Variants in CPNE5 observed in about 807,000 individuals in gnomAD.
CPNE5 encodes copine-5.
A neutral mutation model predicts 81.1 loss-of-function variants in CPNE5; 42 were observed. The ratio of observed to expected loss-of-function variants is 0.52; its 90% CI spans 0.40 to 0.67. The LOEUF is 0.67. Ranked by LOEUF, CPNE5 falls within the 30% of genes least tolerant of loss-of-function variation. The pLI, the probability that CPNE5 is intolerant of heterozygous loss-of-function variation, is 0.00. For missense variants in CPNE5, 612 were observed against 815.5 expected, an observed-to-expected ratio of 0.75 and a Z score of 3.04; for synonymous variants, 313 against 321.5, an observed-to-expected ratio of 0.97 and a Z score of 0.28.
intron 7 of CPNE5, among the ~76,000 whole-genome samples, chr6:36,792,679 C>G (rs960536144): frequency 6.6e-6 from 1 of 152,176 alleles, no homozygotes; most frequent in Non-Finnish European, 1.5e-5. Context: ...GACTGTGCAG[C>G]TCCCCAGTGA....
rs752953395 is a variant in CPNE5, at chr6:36,746,493, T to C, written c.1103A>G (p.Glu368Gly). 3.7e-6 allele frequency: 6 copies of C among 1,613,748 alleles called. No homozygotes were observed. The highest frequency in any genetic ancestry group is 1.7e-4 in the Middle Eastern group (1 of 6,052). The part of the protein sequence containing the change: ...AYALALTAVG[E>G]IIQHYDSDKM... ...GTCACTGTCGTAGTGCTGGATGATC[T>C]CTCCGACGGCAGTCAGCGCCAGCGC... Residue 368 changes from glutamate (E) to glycine (G), a missense_variant, in exon 16 of 21, where the codon GAG becomes GGG. Glu to Gly is a moderately conservative substitution (Grantham distance 98, BLOSUM62 -2). Transcript: ENST00000244751. This position sits in a 1 kb window ranked among gnomAD's most constrained non-coding sequence, Gnocchi z 4.5.
chr6:36,835,383 G>A (rs1172665744), intron 1 of CPNE5, among the ~76,000 whole-genome samples: 1 of 152,180 alleles, frequency 6.6e-6, no homozygotes, highest in Non-Finnish European at 1.5e-5. Context: ...GGCCATCAGA[G>A]GAAGGAAGAG....
In CPNE5 at chr6:36,778,865, G is replaced by A. The variant is rs142285396; in HGVS notation, c.621C>T (p.Asn207=). 1.1e-4 allele frequency: 181 copies of A among 1,598,494 alleles called. No individual in the cohort carries two copies. Among genetic ancestry groups the A allele is most frequent in the Admixed American group, 2.5e-4 (15 of 59,830 alleles). Reference sequence around the variant, plus strand: ...CCCAGAAAACTCACGTTCCATCCTCGTTGCTTCTGTAGAATACCAAGAAGG... The same window carrying A: ...CCCAGAAAACTCACGTTCCATCCTCATTGCTTCTGTAGAATACCAAGAAGG... The part of the protein sequence containing the change: ...SDPFLVFYRS[N]EDGTFTICHK... The change falls in exon 9 of 21, where the codon AAC becomes AAT. Residue 207 remains asparagine (N), a synonymous_variant. Coordinates refer to ENST00000244751, the MANE Select transcript of CPNE5 (RefSeq NM_020939.2).
At chr6:36,757,815 C>T (rs758937035) in intron 12 of CPNE5, among the ~76,000 whole-genome samples, 1 of 152,036 alleles carries the variant, frequency 6.6e-6, no homozygotes, top group South Asian at 2.1e-4. Context: ...GCTCTGGGCA[C>T]GGAGAGATGG....
At chr6:36,748,353 C>T in intron 14 of CPNE5, 86 bp from the exon 15 acceptor site, 6 of 1,186,616 alleles carry the variant, frequency 5.1e-6, no homozygotes, top group East Asian at 2.3e-5. Flanking sequence ...GGCTACCACC[C>T]TGGCTCTGCT....
At chr6:36,830,553 A>G (rs1239800805) in intron 1 of CPNE5, among the ~76,000 whole-genome samples, 3 of 152,182 alleles carry the variant, frequency 2.0e-5, no homozygotes, top group South Asian at 2.1e-4. Flanking sequence ...CAATTTTCAC[A>G]TGGCTTAAAG....
intron 8 of CPNE5, 107 bp from the exon 9 acceptor site, chr6:36,779,064 C>T (rs1767793534): frequency 5.4e-6 from 4 of 746,788 alleles, no homozygotes; most frequent in Non-Finnish European, 7.1e-6. Context: ...GGTTGGAATG[C>T]ACCGACTAAG....
intron 18 of CPNE5, among the ~76,000 whole-genome samples, chr6:36,744,789 C>T (rs1763947131): frequency 6.6e-6 from 1 of 152,194 alleles, no homozygotes; most frequent in African/African-American, 2.4e-5. Context: ...GGGAACAGAG[C>T]TCACCAGCCA....
chr6:36,774,847 C>A, intron 10 of CPNE5, 114 bp downstream of exon 10: 1 of 784,804 alleles, frequency 1.3e-6, no homozygotes, highest in East Asian at 2.7e-5. Flanking sequence ...CTCCAGAAGG[C>A]CTCATTTCTA....
intron 10 of CPNE5, among the ~76,000 whole-genome samples, chr6:36,771,130 C>T (rs1767002456): frequency 6.6e-6 from 1 of 152,170 alleles, no homozygotes; most frequent in African/African-American, 2.4e-5. Context: ...GACGTTAATG[C>T]TTTGAGGACT....
intron 3 of CPNE5, among the ~76,000 whole-genome samples, chr6:36,815,870 G>A (rs1269020043): frequency 6.6e-6 from 1 of 152,200 alleles, no homozygotes; most frequent in African/African-American, 2.4e-5. Context: ...GTGGTATGGG[G>A]CGATCTGCTG....
intron 12 of CPNE5, among the ~76,000 whole-genome samples, 188 bp from the exon 13 acceptor site, chr6:36,756,486 C>T (rs1244410997): frequency 1.3e-5 from 2 of 152,118 alleles, no homozygotes; most frequent in African/African-American, 4.8e-5. Context: ...GTCTGGGTTA[C>T]ACAACTGGGT....
intron 7 of CPNE5, among the ~76,000 whole-genome samples, chr6:36,792,972 G>A (rs1020535664): frequency 6.6e-6 from 1 of 152,114 alleles, no homozygotes; most frequent in African/African-American, 2.4e-5. Flanking sequence ...ACCTCTCTGA[G>A]CCTCAGTTTT....
chr6:36,786,452 T>C (rs1289980626), intron 8 of CPNE5, among the ~76,000 whole-genome samples: 5 of 152,140 alleles, frequency 3.3e-5, no homozygotes, highest in African/African-American at 4.8e-5. Context: ...TCCCAAACAA[T>C]CCAATCAGTT....
chr6:36,757,324 C>T, intron 12 of CPNE5: 1 of 985,420 alleles, frequency 1.0e-6, no homozygotes, highest in Non-Finnish European at 1.2e-6. Flanking sequence ...ACTCATTTCC[C>T]CTTTCCCTGT....
rs369162664 is a variant in CPNE5 at position 36,745,178 on chromosome 6, C to T, written c.1329-28G>A. Reference sequence around the variant, plus strand: ...GGGTGGGGCAGGTGTGGGCTCAGGTCTGTCTGCGGGACCTCTGGGCATGTT... The same window carrying T: ...GGGTGGGGCAGGTGTGGGCTCAGGTTTGTCTGCGGGACCTCTGGGCATGTT... On this transcript the variant is annotated intron_variant, in intron 17 of 20. Coordinates refer to ENST00000244751, the MANE Select transcript of CPNE5 (RefSeq NM_020939.2). 94 of 1,583,698 alleles carry T rather than the reference C, an allele frequency of 5.9e-5. 1 individual carries two copies. Among genetic ancestry groups the T allele is most frequent in the African/African-American group, 1.3e-5 (1 of 74,312 alleles).
In CPNE5 at chr6:36,745,012, T is replaced by C. The variant is rs200685236; in HGVS notation, c.1431+36A>G. On this transcript the variant is annotated intron_variant, in intron 18 of 20. Transcript: ENST00000244751. Reference sequence around the variant, plus strand: ...CCCCTAACGGGGAGGAAGACACTCCTCAAACCGCCTCCCCCACCGCACACT... The same window carrying C: ...CCCCTAACGGGGAGGAAGACACTCCCCAAACCGCCTCCCCCACCGCACACT... 387 of 1,485,620 alleles carry C rather than the reference T, an allele frequency of 2.6e-4. 1 individual carries two copies. The African/African-American group carries it at 4.9e-3, about 19-fold the overall frequency. The allele number at this position is 1,485,620 out of a possible 1,614,324, so 92.0% of individuals were successfully genotyped here. A position where few individuals can be genotyped will look rare whatever the true frequency, so the allele number is the denominator to read the frequency against.
chr6:36,838,977 C>T (rs189059841), intron 1 of CPNE5, among the ~76,000 whole-genome samples: 208 of 152,290 alleles, frequency 1.4e-3, no homozygotes, highest in South Asian at 3.1e-3. Context: ...GTAGTACAGC[C>T]TTTTACCAAC....
intron 6 of CPNE5, 29 bp downstream of exon 6, chr6:36,798,136 A>G (rs1466628976): frequency 1.9e-6 from 3 of 1,593,548 alleles, no homozygotes; most frequent in Non-Finnish European, 2.6e-6. Flanking sequence ...AAGTTGGCCT[A>G]CCACTGGGAA....
Sources: gnomAD v4.1 joint callset for allele counts (sites outside exome capture counted in the v4.1 genomes callset) on GRCh38, gnomAD v4.1.1 for gene constraint, Gnocchi (gnomAD v3.1) non-coding constraint, MANE v1.5 for transcripts, NCBI Gene and HGNC (gene_info 2026-07-23, HGNC 2026-07-21) for gene names.